SNX8: variants seen among roughly 807,000 people sequenced by gnomAD.
The protein encoded by SNX8 is sorting nexin-8.
Under a neutral mutation model 51.6 loss-of-function variants are expected in SNX8, and 25 were observed. That is an observed-to-expected ratio of 0.48 (90% CI 0.35 to 0.68). The LOEUF (loss-of-function observed/expected upper bound fraction) is 0.68, where lower values mean the gene tolerates loss of function less well. Among genes scored for constraint, SNX8 ranks in the 30% least tolerant of loss-of-function variants. The probability of loss-of-function intolerance (pLI) is 0.00; values close to 1 mark genes in which losing one functional copy is unlikely to be tolerated. For missense variants in SNX8, 695 were observed against 624.0 expected (o/e 1.11, Z -1.21); for synonymous variants, 324 against 277.0 (o/e 1.17, Z -1.68).
In SNX8 at chr7:2,351,789, C is replaced by T. The variant is rs571839979; in HGVS notation, c.-66+2433G>A. On this transcript the variant is annotated intron_variant, in intron 1 of 5. Transcript: ENST00000435336. ...GAGCTTGCAGTGATCCGAGATAGCA[C>T]CACTGCACTCCAGCCTGGGCGACAG... Among the ~76,000 whole-genome samples, 29 of 151,576 alleles carry T rather than the reference C, an allele frequency of 1.9e-4. No individual in the cohort carries two copies. In the East Asian group the frequency reaches 5.5e-3, roughly 29 times the overall value.
intron 1 of SNX8, among the ~76,000 whole-genome samples, chr7:2,292,417 T>C (rs1328840302): frequency 2.6e-5 from 4 of 151,250 alleles, no homozygotes; most frequent in African/African-American, 7.3e-5. Context: ...AAGACTTCTT[T>C]TTTTTTTTTT....
In SNX8 at chr7:2,271,831, G is replaced by A; in HGVS notation, c.540+19C>T. ...GGGACTCCCCGGGGCCGGGACATGG[G>A]CAGGGCAGACACACTCACCGAGCCG... is the stretch of plus-strand genomic sequence containing the variant. On this transcript the variant is annotated intron_variant, in intron 4 of 10. Coordinates refer to ENST00000222990, the MANE Select transcript of SNX8 (RefSeq NM_013321.4). 1.9e-6 allele frequency: 3 copies of A among 1,590,794 alleles called. No individual in the cohort carries two copies. Among genetic ancestry groups the A allele is most frequent in the Non-Finnish European group, 2.6e-6 (3 of 1,168,840 alleles).
chr7:2,334,384 C>T (rs919814029), intron 1 of SNX8, among the ~76,000 whole-genome samples: 4 of 150,840 alleles, frequency 2.7e-5, no homozygotes, highest in African/African-American at 4.9e-5. Flanking sequence ...GCCAGGGTGA[C>T]GGAGCGAGAC....
chr7:2,272,004 C>T (rs776042091), intron 3 of SNX8, 33 bp from the exon 4 acceptor site: 2 of 1,610,452 alleles, frequency 1.2e-6, no homozygotes, highest in African/African-American at 2.7e-5. Flanking sequence ...TGGACAGAGT[C>T]CAGGGCGCCG....
In SNX8 at chr7:2,255,042, C is replaced by G. The variant is rs1191431527; in HGVS notation, c.*14G>C. 2 of 1,525,216 alleles carry G rather than the reference C, an allele frequency of 1.3e-6. No homozygotes were observed. The highest frequency in any genetic ancestry group is 3.9e-5 in the Admixed American group (2 of 51,668). 94.5% of individuals were successfully genotyped at this position (1,525,216 alleles called of 1,614,324 possible). A position where few individuals can be genotyped will look rare whatever the true frequency, so the allele number is the denominator to read the frequency against. On this transcript the variant is annotated 3_prime_UTR_variant, in exon 11 of 11. Coordinates refer to ENST00000222990, the MANE Select transcript of SNX8 (RefSeq NM_013321.4). ...TTAGTGCGGCCGCAGGGAGCACCACCTCAGCCTCAGGCGCTAGTGAGGACA... is the reference window on the plus strand; with the variant it reads ...TTAGTGCGGCCGCAGGGAGCACCACGTCAGCCTCAGGCGCTAGTGAGGACA...
intron 2 of SNX8, among the ~76,000 whole-genome samples, chr7:2,276,744 A>C (rs1584691018): frequency 6.6e-6 from 1 of 152,166 alleles, no homozygotes; most frequent in African/African-American, 2.4e-5. Flanking sequence ...CAGGAGCTCA[A>C]GACCAGCCTG....
At chr7:2,338,236 G>C (rs562240225) in intron 1 of SNX8, among the ~76,000 whole-genome samples, 1 of 151,824 alleles carries the variant, frequency 6.6e-6, no homozygotes, top group Non-Finnish European at 1.5e-5. Context: ...GCCGAGGCGG[G>C]CGGATCACGA....
intron 1 of SNX8, among the ~76,000 whole-genome samples, chr7:2,335,802 CAAAAAAAAAAAAAAA>C (rs1173439746): frequency 2.0e-4 from 6 of 30,646 alleles, no homozygotes; most frequent in African/African-American, 6.8e-4. Context: ...GACTCTGTCT[CAAAAAAAAAAAAAAA>C]AAAAAAAAAA....
chr7:2,277,679 C>T (rs1298592102), intron 2 of SNX8, among the ~76,000 whole-genome samples: 1 of 151,914 alleles, frequency 6.6e-6, no homozygotes, highest in Non-Finnish European at 1.5e-5. Flanking sequence ...TGGTGGCGGG[C>T]ACCTGTCATC....
At chr7:2,303,025 G>GCCAGGCCAGCCGCCCCGT (rs1796442161) in intron 1 of SNX8, among the ~76,000 whole-genome samples, 1 of 148,910 alleles carries the variant, frequency 6.7e-6, no homozygotes, top group African/African-American at 2.5e-5. Flanking sequence ...GTCAGCCCCC[G>GCCAGGCCAGCCGCCCCGT]CCAGGCCAGC....
At chr7:2,320,021 A>G (rs1273280334) in intron 1 of SNX8, among the ~76,000 whole-genome samples, 1 of 152,104 alleles carries the variant, frequency 6.6e-6, no homozygotes, top group East Asian at 1.9e-4. Context: ...AAATCGTTAT[A>G]CAAGTATAAA....
chr7:2,281,684 G>C (rs1795909491), intron 1 of SNX8, among the ~76,000 whole-genome samples: 1 of 152,090 alleles, frequency 6.6e-6, no homozygotes. Flanking sequence ...TGAGATGAGG[G>C]AGGCCAGCTT....
Position 2,255,080 on chromosome 7 carries a change from C to CGGCGGGG in SNX8, c.1367_1373dup (p.Glu459ProfsTer34). On this transcript the variant is annotated frameshift_variant, in exon 11 of 11. Coordinates refer to ENST00000222990, the MANE Select transcript of SNX8 (RefSeq NM_013321.4). LOFTEE classifies it high-confidence loss of function. ...GCTAGTGAGGACACAGGCCGTCCTC[C>CGGCGGGG]GGCGGGGAGCACGGTGGGGTCAGGG... The CGGCGGGG allele has an allele frequency of 1.3e-6, 2 of 1,576,250 alleles. No homozygotes were observed. The highest frequency in any genetic ancestry group is 1.7e-6 in the Non-Finnish European group (2 of 1,161,466).
intron 1 of SNX8, among the ~76,000 whole-genome samples, chr7:2,278,613 C>T (rs1035006345): frequency 1.4e-5 from 2 of 140,510 alleles, no homozygotes; most frequent in African/African-American, 2.5e-5. Flanking sequence ...ACGGAGTCGA[C>T]GCCGGACTCA....
chr7:2,345,128 C>T (rs910792739), intron 1 of SNX8, among the ~76,000 whole-genome samples: 2 of 152,006 alleles, frequency 1.3e-5, no homozygotes, highest in Non-Finnish European at 2.9e-5. Flanking sequence ...AACTATAGCT[C>T]ATAGAGACAA....
chr7:2,324,307 T>TC (rs1411002920), intron 1 of SNX8, among the ~76,000 whole-genome samples: 206 of 151,130 alleles, frequency 1.4e-3, no homozygotes, highest in Non-Finnish European at 2.3e-3. Context: ...TTTTTTTTTT[T>TC]TGAGACAGAG....
intron 1 of SNX8, among the ~76,000 whole-genome samples, chr7:2,333,047 T>C (rs1223317747): frequency 6.6e-6 from 1 of 151,862 alleles, no homozygotes; most frequent in Non-Finnish European, 1.5e-5. Flanking sequence ...GGTGGGAGGA[T>C]TGCTTGAGCC....
At chr7:2,287,422 T>C (rs1370938305) in intron 1 of SNX8, among the ~76,000 whole-genome samples, 1 of 151,738 alleles carries the variant, frequency 6.6e-6, no homozygotes, top group Non-Finnish European at 1.5e-5. Flanking sequence ...CTACTAAAAA[T>C]ACAAAAATTA....
intron 1 of SNX8, among the ~76,000 whole-genome samples, chr7:2,352,598 C>T (rs7805570): frequency 0.45 from 68,889 of 151,698 alleles, 16,498 homozygotes; most frequent in East Asian, 0.56. Context: ...TTTGGGAGGC[C>T]GAGGCAGGCG....
Sources: gnomAD v4.1 joint callset for allele counts (sites outside exome capture counted in the v4.1 genomes callset) on GRCh38, gnomAD v4.1.1 for gene constraint, MANE v1.5 for transcripts, NCBI Gene and HGNC (gene_info 2026-07-23, HGNC 2026-07-21) for gene names.